The following CPNE8 variants were observed in gnomAD, a reference collection of about 807,000 sequenced individuals.
The protein encoded by CPNE8 is copine 8.
In CPNE8, 45 loss-of-function variants were observed where a neutral mutation model predicts 81.5. The observed-to-expected ratio is 0.55, with a 90% CI of 0.44 to 0.71. The LOEUF (loss-of-function observed/expected upper bound fraction) is 0.71. CPNE8 is among the 30% of genes least tolerant of loss of function. The probability of loss-of-function intolerance (pLI) is 0.00; values close to 1 mark genes in which losing one functional copy is unlikely to be tolerated. For synonymous variants in CPNE8, 252 were observed against 226.3 expected (o/e 1.11, Z -1.02); for missense variants, 594 against 672.1 (o/e 0.88, Z 1.28).
At chr12:38,681,707 T>C (rs1057213565) in intron 16 of CPNE8, among the ~76,000 whole-genome samples, 8 of 152,324 alleles carry the variant, frequency 5.3e-5, no homozygotes, top group Admixed American at 5.2e-4. Context: ...AAATCCTACC[T>C]GAGTTTCCAA....
At chr12:38,861,281 T>TATGCAAG (rs1213207930) in intron 3 of CPNE8, among the ~76,000 whole-genome samples, 15 of 152,138 alleles carry the variant, frequency 9.9e-5, no homozygotes, top group African/African-American at 3.4e-4. Flanking sequence ...AAGTTTTAGT[T>TATGCAAG]ATGCAAGATG....
chr12:38,725,966 T>C (rs1184925624), intron 11 of CPNE8, among the ~76,000 whole-genome samples: 1 of 152,028 alleles, frequency 6.6e-6, no homozygotes, highest in Non-Finnish European at 1.5e-5. Context: ...GGAGGATGGT[T>C]TCGGGATGAT....
intron 2 of CPNE8, among the ~76,000 whole-genome samples, chr12:38,873,536 C>A (rs1259268185): frequency 6.6e-6 from 1 of 152,050 alleles, no homozygotes; most frequent in Non-Finnish European, 1.5e-5. Context: ...AAGGAATTCC[C>A]AAAAGGGAGA....
At chr12:38,877,082 T>A (rs970709677) in intron 1 of CPNE8, among the ~76,000 whole-genome samples, 1 of 152,200 alleles carries the variant, frequency 6.6e-6, no homozygotes, top group Non-Finnish European at 1.5e-5. Context: ...ATGGTACCAA[T>A]CATTCTGAAT....
chr12:38,889,623 G>A (rs1251500747), intron 1 of CPNE8, among the ~76,000 whole-genome samples: 1 of 152,200 alleles, frequency 6.6e-6, no homozygotes, highest in Non-Finnish European at 1.5e-5. Context: ...GTAATAGTAT[G>A]ATGTCATTTG....
intron 14 of CPNE8, among the ~76,000 whole-genome samples, chr12:38,696,744 C>A (rs890917529): frequency 6.6e-6 from 1 of 152,084 alleles, no homozygotes; most frequent in Non-Finnish European, 1.5e-5. Flanking sequence ...ACGTATTAAC[C>A]ATTTAAAATA....
Position 38,681,579 on chromosome 12 carries a change from T to C in CPNE8, c.1271+3911A>G, listed in dbSNP as rs143048370. On this transcript the variant is annotated intron_variant, in intron 16 of 19. Transcript: ENST00000331366. ...ATTTAATCAAAGATTATAGATATGG[T>C]TAACACCTACCATCAAATGACTTTA... is the stretch of plus-strand genomic sequence containing the variant. Among the ~76,000 whole-genome samples, 158 of 152,226 alleles carry C rather than the reference T, an allele frequency of 1.0e-3. 1 individual carries two copies. The highest frequency in any genetic ancestry group is 3.5e-3 in the African/African-American group (146 of 41,548).
chr12:38,701,374 C>A (rs1171035662), intron 14 of CPNE8, among the ~76,000 whole-genome samples: 1 of 152,044 alleles, frequency 6.6e-6, no homozygotes, highest in Non-Finnish European at 1.5e-5. Flanking sequence ...AAATGTTTGT[C>A]TTTTTATTTA....
intron 10 of CPNE8, among the ~76,000 whole-genome samples, chr12:38,756,871 T>C (rs1941472730): frequency 6.6e-6 from 1 of 152,208 alleles, no homozygotes; most frequent in African/African-American, 2.4e-5. Flanking sequence ...TGAGATGTGC[T>C]GTAAACATAA....
chr12:38,851,738 T>C (rs1943649530), intron 3 of CPNE8, among the ~76,000 whole-genome samples: 1 of 152,178 alleles, frequency 6.6e-6, no homozygotes, highest in Non-Finnish European at 1.5e-5. Context: ...CCCATGTCAT[T>C]CCACCAGCCA....
chr12:38,741,972 A>T (rs913681672), intron 10 of CPNE8, among the ~76,000 whole-genome samples: 39 of 152,230 alleles, frequency 2.6e-4, no homozygotes, highest in African/African-American at 9.4e-4. Context: ...AACCACAATG[A>T]GATACCATCT....
chr12:38,826,912 G>A (rs1176395812), intron 6 of CPNE8, among the ~76,000 whole-genome samples: 1 of 151,276 alleles, frequency 6.6e-6, no homozygotes, highest in Non-Finnish European at 1.5e-5. Context: ...GCTCACGCCT[G>A]TAATCCCAGA....
rs946900942 is a variant in CPNE8, at chr12:38,739,916, C to T, written c.723-9558G>A. On this transcript the variant is annotated intron_variant, in intron 10 of 19. Transcript: ENST00000331366. ...TAAAGTAGATAAGATAAGGTAGACT[C>T]TACAATATGATAGACTCTTTCTACA... Among the ~76,000 whole-genome samples the T allele has an allele frequency of 2.6e-5, 4 of 152,186 alleles. No individual in the cohort carries two copies. The South Asian group carries it at 8.3e-4, about 32-fold the overall frequency.
intron 6 of CPNE8, among the ~76,000 whole-genome samples, chr12:38,806,009 T>C (rs1053381576): frequency 5.3e-5 from 8 of 150,058 alleles, no homozygotes; most frequent in African/African-American, 1.9e-4. Context: ...CTAGAAGAAA[T>C]GGATAAATTC....
At chr12:38,760,435 GTATATA>G (rs139244982) in intron 10 of CPNE8, among the ~76,000 whole-genome samples, 4 of 127,276 alleles carry the variant, frequency 3.1e-5, no homozygotes, top group African/African-American at 1.4e-4. Flanking sequence ...TGTATGGTGT[GTATATA>G]TATATATATA....
chr12:38,774,052 G>A (rs910668765), intron 7 of CPNE8, among the ~76,000 whole-genome samples: 1 of 151,940 alleles, frequency 6.6e-6, no homozygotes, highest in Non-Finnish European at 1.5e-5. Flanking sequence ...GTAAAAAGAG[G>A]GATAAAAATA....
intron 16 of CPNE8, among the ~76,000 whole-genome samples, chr12:38,683,168 C>T (rs911092435): frequency 9.9e-5 from 15 of 151,962 alleles, no homozygotes; most frequent in Admixed American, 2.6e-4. Context: ...TAAAAATAAA[C>T]GTGCTTAAAA....
rs1030239397 is a variant in CPNE8, at chr12:38,713,409, C to T, written c.914+10363G>A. ...ATATAGAGTTCAGCTGAGACAAATT[C>T]GGTAGAGGCAATACAAAAGCATGTT... On this transcript the variant is annotated intron_variant, in intron 13 of 19. Transcript: ENST00000331366. Among the ~76,000 whole-genome samples, 129 of 152,150 alleles carry T rather than the reference C, an allele frequency of 8.5e-4. 1 individual carries two copies. Among genetic ancestry groups the T allele is most frequent in the African/African-American group, 3.0e-3 (123 of 41,506 alleles).
At chr12:38,708,634 C>G (rs1380440575) in intron 13 of CPNE8, among the ~76,000 whole-genome samples, 3 of 152,096 alleles carry the variant, frequency 2.0e-5, no homozygotes, top group Admixed American at 2.0e-4. Context: ...TGTCCTAGTA[C>G]TACTAAAATA....
Sources: gnomAD v4.1 joint callset for allele counts (sites outside exome capture counted in the v4.1 genomes callset) on GRCh38, gnomAD v4.1.1 for gene constraint, MANE v1.5 for transcripts, NCBI Gene and HGNC (gene_info 2026-07-23, HGNC 2026-07-21) for gene names.